GPHN: variants seen among roughly 807,000 people sequenced by gnomAD.
GPHN encodes the protein gephyrin.
GPHN carries 17 observed loss-of-function variants against 95.5 expected under a neutral mutation model. The observed-to-expected ratio is 0.18, with a 90% CI of 0.12 to 0.27. The LOEUF is 0.27. Ranked by LOEUF, GPHN falls within the 10% of genes least tolerant of loss-of-function variation. GPHN has a pLI of 1.00. For missense variants in GPHN, 660 were observed against 978.1 expected, an observed-to-expected ratio of 0.67 and a Z score of 4.34; for synonymous variants, 320 against 322.5, an observed-to-expected ratio of 0.99 and a Z score of 0.08.
rs146685269 is a variant in GPHN, at chr14:67,027,084, T to C, written c.1006+3409T>C. ...TAGCTGGTATATCCGTGGGTACTTATAAACAAATATCTGATTATCAGTGCC... is the reference window on the plus strand; with the variant it reads ...TAGCTGGTATATCCGTGGGTACTTACAAACAAATATCTGATTATCAGTGCC... On this transcript the variant is annotated intron_variant, in intron 10 of 22. Coordinates refer to ENST00000478722, the MANE Select transcript of GPHN (RefSeq NM_020806.5). 1.1e-3 allele frequency among the ~76,000 whole-genome samples: 165 copies of C among 152,346 alleles called. 3 individuals are homozygous for C. In the East Asian group the frequency reaches 0.026, roughly 24 times the overall value.
At chr14:66,858,916 T>A (rs1186018048) in intron 4 of GPHN, among the ~76,000 whole-genome samples, 1 of 152,160 alleles carries the variant, frequency 6.6e-6, no homozygotes, top group Non-Finnish European at 1.5e-5. Flanking sequence ...GAGGCTCCTC[T>A]GCCTGTGGAA....
chr14:67,023,199 A>C (rs372138050), intron 9 of GPHN, among the ~76,000 whole-genome samples: 2 of 152,208 alleles, frequency 1.3e-5, no homozygotes, highest in South Asian at 4.1e-4. Flanking sequence ...CCATTAATTT[A>C]TATACATACT....
intron 8 of GPHN, among the ~76,000 whole-genome samples, chr14:66,961,301 A>G (rs1462594259): frequency 1.3e-5 from 2 of 152,078 alleles, no homozygotes; most frequent in Non-Finnish European, 1.5e-5. Flanking sequence ...CTGCTTTAGT[A>G]GAGTGATGGA....
rs114661770 is a variant in GPHN, at chr14:66,796,484, G to A, written c.201+19963G>A. On this transcript the variant is annotated intron_variant, in intron 3 of 22. Coordinates refer to ENST00000478722, the MANE Select transcript of GPHN (RefSeq NM_020806.5). Reference sequence around the variant, plus strand: ...TACATTCCCACCAGTAGTGTACAAGGGTTCCCTTTTCTTCACATTCTCACC... The same window carrying A: ...TACATTCCCACCAGTAGTGTACAAGAGTTCCCTTTTCTTCACATTCTCACC... Among the ~76,000 whole-genome samples the A allele has an allele frequency of 5.7e-3, 861 of 151,878 alleles. 16 individuals are homozygous for A. Among genetic ancestry groups the A allele is most frequent in the African/African-American group, 0.02 (829 of 41,454 alleles).
chr14:67,074,436 G>A (rs560614839), intron 11 of GPHN, among the ~76,000 whole-genome samples: 3 of 152,020 alleles, frequency 2.0e-5, no homozygotes, highest in Admixed American at 6.6e-5. Context: ...AGACTTAATC[G>A]ATAAACCTGT....
the GPHN span, among the ~76,000 whole-genome samples, chr14:67,326,269 T>C: frequency 9.0e-5 from 11 of 122,704 alleles, no homozygotes; most frequent in Admixed American, 2.8e-4. Context: ...TGAGAGGAGA[T>C]TCTATATGTC....
intron 9 of GPHN, among the ~76,000 whole-genome samples, chr14:67,004,387 A>G (rs1594787636): frequency 1.3e-5 from 2 of 151,792 alleles, no homozygotes; most frequent in East Asian, 3.9e-4. Flanking sequence ...ACATCTATAC[A>G]TTGCTACAGA....
chr14:66,766,781 A>G (rs1285541716), intron 2 of GPHN, among the ~76,000 whole-genome samples: 1 of 152,156 alleles, frequency 6.6e-6, no homozygotes, highest in African/African-American at 2.4e-5. Flanking sequence ...ACACATACAT[A>G]CATATGTGCA....
the GPHN span, among the ~76,000 whole-genome samples, chr14:67,551,761 C>T: frequency 2.0e-5 from 3 of 151,880 alleles, no homozygotes; most frequent in South Asian, 2.1e-4. Context: ...TGGTGGTGCA[C>T]GTTTGTAATC....
chr14:67,731,850 G>C, the GPHN span, among the ~76,000 whole-genome samples: 1 of 151,976 alleles, frequency 6.6e-6, no homozygotes, highest in Non-Finnish European at 1.5e-5. Context: ...AATTTTGCCA[G>C]GTGCAGTGGC....
chr14:67,501,408 A>T, the GPHN span, among the ~76,000 whole-genome samples: 1 of 152,180 alleles, frequency 6.6e-6, no homozygotes, highest in Non-Finnish European at 1.5e-5. Flanking sequence ...TCTGTTGGCC[A>T]GGCTGGAGTG....
chr14:67,577,294 T>C, the GPHN span: 1 of 1,551,956 alleles, frequency 6.4e-7, no homozygotes, highest in Non-Finnish European at 8.7e-7. Context: ...GTTCCGTGCT[T>C]TGGGCAGATT....
At chr14:66,741,147 G>A (rs974565104) in intron 2 of GPHN, among the ~76,000 whole-genome samples, 1 of 152,066 alleles carries the variant, frequency 6.6e-6, no homozygotes, top group Admixed American at 6.6e-5. Context: ...CCAACATTAG[G>A]GATTCAGTTT....
At chr14:67,094,538 A>T (rs894979369) in intron 12 of GPHN, among the ~76,000 whole-genome samples, 3 of 152,196 alleles carry the variant, frequency 2.0e-5, no homozygotes, top group African/African-American at 7.2e-5. Flanking sequence ...TTTTCTAATG[A>T]CGTACTGTGG....
the GPHN span, among the ~76,000 whole-genome samples, chr14:67,308,563 G>A: frequency 1.6e-5 from 1 of 61,616 alleles, no homozygotes; most frequent in South Asian, 5.2e-4. Context: ...TTTTTTTTTT[G>A]GAGACAGAGT....
chr14:67,664,438 T>C, the GPHN span, among the ~76,000 whole-genome samples: 5 of 152,182 alleles, frequency 3.3e-5, no homozygotes, highest in South Asian at 1.0e-3. Flanking sequence ...TTTAAAGCTA[T>C]GTATTTTTCA....
chr14:67,275,446 A>C, the GPHN span, among the ~76,000 whole-genome samples: 1 of 152,216 alleles, frequency 6.6e-6, no homozygotes, highest in African/African-American at 2.4e-5. Flanking sequence ...ATGTTGAACC[A>C]GCCTTGCATC....
intron 11 of GPHN, among the ~76,000 whole-genome samples, chr14:67,069,055 C>G (rs1369900047): frequency 1.3e-5 from 2 of 152,140 alleles, no homozygotes; most frequent in Non-Finnish European, 2.9e-5. Flanking sequence ...TGTCAAGACA[C>G]TCTTTGGCTC....
chr14:66,597,323 G>A (rs967039249), intron 1 of GPHN, among the ~76,000 whole-genome samples: 5 of 152,164 alleles, frequency 3.3e-5, no homozygotes, highest in African/African-American at 1.2e-4. Context: ...CATCCCTTTT[G>A]TCTCTTCTGA....
Sources: gnomAD v4.1 joint callset for allele counts (sites outside exome capture counted in the v4.1 genomes callset) on GRCh38, gnomAD v4.1.1 for gene constraint, MANE v1.5 for transcripts, NCBI Gene and HGNC (gene_info 2026-07-23, HGNC 2026-07-21) for gene names.